The following ZNF578 variants were observed in gnomAD, a reference collection of about 807,000 sequenced individuals.
The protein encoded by ZNF578 is Putative chemokine-related protein B42.
A neutral mutation model predicts 8.3 loss-of-function variants in ZNF578; 8 were observed. The observed-to-expected ratio is 0.96, with a 90% CI of 0.56 to 1.74. The LOEUF is 1.74. Among genes scored for constraint, ZNF578 ranks in the 40% most tolerant of loss-of-function variants. The pLI is 0.00. For missense variants in ZNF578, 726 were observed against 707.5 expected (o/e 1.03, Z -0.30); for synonymous variants, 206 against 232.2 (o/e 0.89, Z 1.03).
chr19:52,495,723 G>C lies in ZNF578; in HGVS notation c.-20+4298G>C, dbSNP rs2059383544. On this transcript the variant is annotated intron_variant, in intron 3 of 5. Coordinates refer to ENST00000421239, the MANE Select transcript of ZNF578 (RefSeq NM_001099694.2). ...TAGTTTAAATTATACAGATGAGAAT[G>C]AGAGTTGCCAAACTCCTGTGTCTAA... 1.3e-5 allele frequency among the ~76,000 whole-genome samples: 2 copies of C among 150,332 alleles called. 1 individual carries two copies. The highest frequency in any genetic ancestry group is 3.0e-5 in the Non-Finnish European group (2 of 67,396).
Position 52,504,729 on chromosome 19 carries a change from G to T in ZNF578, c.138G>T (p.Arg46Ser), listed in dbSNP as rs1477956325. The T allele has an allele frequency of 6.2e-7, 1 of 1,613,992 alleles. No homozygotes were observed. The highest frequency in any genetic ancestry group is 8.5e-7 in the Non-Finnish European group (1 of 1,180,034). ...AEWKFLNPAQRALYREVMLEN... is the reference protein window; with the variant it reads ...AEWKFLNPAQSALYREVMLEN... Reference sequence around the variant, plus strand: ...GGAAATTCCTGAACCCTGCGCAGAGGGCTTTGTACAGGGAAGTGATGTTGG... The same window carrying T: ...GGAAATTCCTGAACCCTGCGCAGAGTGCTTTGTACAGGGAAGTGATGTTGG... Residue 46 changes from arginine to serine, a missense_variant, in exon 5 of 6, where the codon AGG becomes AGT. By Grantham distance (110) the Arg-to-Ser change is moderately radical (BLOSUM62 -1). Transcript: ENST00000421239.
At chr19:52,486,167 G>T (rs763329404) in intron 2 of ZNF578, among the ~76,000 whole-genome samples, 3 of 152,202 alleles carry the variant, frequency 2.0e-5, no homozygotes, top group Non-Finnish European at 4.4e-5. Flanking sequence ...AGGCATTGAG[G>T]TGTTTATGTA....
At chr19:52,468,913 G>C (rs1048394171) in intron 2 of ZNF578, among the ~76,000 whole-genome samples, 1 of 152,056 alleles carries the variant, frequency 6.6e-6, no homozygotes, top group Non-Finnish European at 1.5e-5. Flanking sequence ...GGGATATCTC[G>C]AGCCTTTGGT....
At chr19:52,466,635 C>T (rs1278898902) in intron 2 of ZNF578, among the ~76,000 whole-genome samples, 5 of 152,016 alleles carry the variant, frequency 3.3e-5, no homozygotes, top group Middle Eastern at 3.2e-3. Flanking sequence ...ACAAAAATGG[C>T]GATTTTTAAG....
chr19:52,482,634 T>C (rs73575927), intron 2 of ZNF578, among the ~76,000 whole-genome samples: 19,060 of 151,214 alleles, frequency 0.13, 1,327 homozygotes, highest in African/African-American at 0.2. Flanking sequence ...CTAGACTGCA[T>C]TGAAAAAAAA....
intron 2 of ZNF578, among the ~76,000 whole-genome samples, chr19:52,459,713 ATGTGTGTGTGTGTG>A (rs1555751309): frequency 1.6e-4 from 3 of 18,234 alleles, no homozygotes; most frequent in African/African-American, 4.3e-4. Context: ...ATATGTAGAT[ATGTGTGTGTGTGTG>A]TGTGTGTGTG....
At chr19:52,505,167 G>C (rs374964142) in intron 5 of ZNF578, among the ~76,000 whole-genome samples, 1 of 152,170 alleles carries the variant, frequency 6.6e-6, no homozygotes. Flanking sequence ...GATTACAGGC[G>C]TGAGCCACCA....
intron 5 of ZNF578, among the ~76,000 whole-genome samples, chr19:52,506,200 C>T (rs185473795): frequency 2.0e-5 from 3 of 152,266 alleles, no homozygotes; most frequent in East Asian, 3.9e-4. Context: ...CCCCTGGCCC[C>T]ATCCGAGTTT....
At chr19:52,453,820 TC>T (rs11313392) in intron 1 of ZNF578, 128,204 of 150,900 alleles carry the variant, frequency 0.85, 55,961 homozygotes, top group Non-Finnish European at 0.96. Context: ...ACGCTTTTCG[TC>T]CCGTTTACCT....
chr19:52,504,586 T>C, intron 4 of ZNF578, 69 bp from the exon 5 acceptor site: 1 of 1,602,708 alleles, frequency 6.2e-7, no homozygotes, highest in South Asian at 1.1e-5. Context: ...TTTTCTCTTT[T>C]CTCATTTCCT....
In ZNF578 at chr19:52,513,810, AAGATCAG is replaced by A. The variant is rs1390723028; in HGVS notation, c.*1659_*1665del. Among the ~76,000 whole-genome samples the A allele has an allele frequency of 6.6e-6, 1 of 151,994 alleles. No homozygotes were observed. Among genetic ancestry groups the A allele is most frequent in the Non-Finnish European group, 1.5e-5 (1 of 68,004 alleles). ...GAAGACTGAAGTGAGTGGATCATCT[AAGATCAG>A]AGTTCAAGAGCACCCTGGCTAACAT... On this transcript the variant is annotated 3_prime_UTR_variant, in exon 6 of 6. Transcript: ENST00000421239.
rs11318311 is a variant in ZNF578, at chr19:52,513,337, CTTTTTTTTTTTTTTT to C, written c.*1193_*1207del. On this transcript the variant is annotated 3_prime_UTR_variant, in exon 6 of 6. Transcript: ENST00000421239. ...GCGCCTGGCATTGTTTCTTCTTTTC[CTTTTTTTTTTTTTTT>C]TTTTTTTTTGAGATAGTACTTTTTA... 0.16 allele frequency among the ~76,000 whole-genome samples: 16,560 copies of C among 101,838 alleles called. 1,216 individuals are homozygous for C. The highest frequency in any genetic ancestry group is 0.28 in the Middle Eastern group (36 of 130). The allele number at this position is 101,838 out of a possible 152,430, so 66.8% of individuals were successfully genotyped here. A position where few individuals can be genotyped will look rare whatever the true frequency, so the allele number is the denominator to read the frequency against.
intron 2 of ZNF578, chr19:52,474,201 A>T: frequency 3.3e-6 from 1 of 302,178 alleles, no homozygotes; most frequent in Non-Finnish European, 6.9e-6. Flanking sequence ...AGGCCTGAAT[A>T]GTCACTAAAT....
In ZNF578 at chr19:52,513,866, A is replaced by G. The variant is rs2059461376; in HGVS notation, c.*1712A>G. On this transcript the variant is annotated 3_prime_UTR_variant, in exon 6 of 6. Coordinates refer to ENST00000421239, the MANE Select transcript of ZNF578 (RefSeq NM_001099694.2). ...ATGGTGAAACCCCATCTCTACTAAAAATACAAAAGTTAGCCAGGGGTGGGG... is the reference window on the plus strand; with the variant it reads ...ATGGTGAAACCCCATCTCTACTAAAGATACAAAAGTTAGCCAGGGGTGGGG... Among the ~76,000 whole-genome samples, 1 of 152,130 alleles carries G rather than the reference A, an allele frequency of 6.6e-6. No homozygotes were observed. Among genetic ancestry groups the G allele is most frequent in the Non-Finnish European group, 1.5e-5 (1 of 68,036 alleles).
chr19:52,508,114 C>T (rs1237813305), intron 5 of ZNF578, among the ~76,000 whole-genome samples: 14 of 151,180 alleles, frequency 9.3e-5, no homozygotes, highest in East Asian at 5.9e-4. Context: ...TGGGAGGCCG[C>T]GCAGTGCAGA....
chr19:52,465,941 C>T (rs1455907181), intron 2 of ZNF578, among the ~76,000 whole-genome samples: 1 of 152,178 alleles, frequency 6.6e-6, no homozygotes, highest in Non-Finnish European at 1.5e-5. Context: ...GGACCAGCCT[C>T]AACACCACCC....
At chr19:52,489,466 T>C (rs2059357807) in intron 2 of ZNF578, among the ~76,000 whole-genome samples, 2 of 151,870 alleles carry the variant, frequency 1.3e-5, no homozygotes, top group South Asian at 4.2e-4. Flanking sequence ...CGCATGCCTG[T>C]AATCCCAGCT....
intron 5 of ZNF578, among the ~76,000 whole-genome samples, chr19:52,507,997 C>T (rs1391203904): frequency 2.0e-5 from 3 of 151,772 alleles, no homozygotes; most frequent in South Asian, 2.1e-4. Flanking sequence ...TATGGTGAGC[C>T]GAGATCATAC....
rs1555751349 is a variant in ZNF578, at chr19:52,459,769, A to ATATATATTTTTTTTTTTT, written c.-122+2812_-122+2813insATATATTTTTTTTTTTTT. Reference sequence around the variant, plus strand: ...TGTGTGTGTATATATATATATATATATTTTTTTTTTTTTTTTTTTTTTTTG... The same window carrying ATATATATTTTTTTTTTTT: ...TGTGTGTGTATATATATATATATATATATATATTTTTTTTTTTTTTTTTTTTTTTTTTTTTTTTTTTTG... On this transcript the variant is annotated intron_variant, in intron 2 of 5. Transcript: ENST00000421239. Among the ~76,000 whole-genome samples the ATATATATTTTTTTTTTTT allele has an allele frequency of 1.1e-4, 2 of 17,620 alleles. 1 individual carries two copies. Among genetic ancestry groups the ATATATATTTTTTTTTTTT allele is most frequent in the African/African-American group, 3.7e-4 (2 of 5,472 alleles). The allele number at this position is 17,620 out of a possible 152,430, so 11.6% of individuals were successfully genotyped here.
Sources: allele counts gnomAD v4.1 joint callset (sites outside exome capture counted in the v4.1 genomes callset), GRCh38; gene constraint gnomAD v4.1.1; transcripts MANE v1.5; gene names NCBI Gene and HGNC (gene_info 2026-07-23, HGNC 2026-07-21).